The following ERAP1 variants were observed in gnomAD, a reference collection of about 807,000 sequenced individuals.
ERAP1 encodes the protein endoplasmic reticulum aminopeptidase 1.
ERAP1 carries 86 observed loss-of-function variants against 103.7 expected under a neutral mutation model. The ratio of observed to expected loss-of-function variants is 0.83; its 90% CI spans 0.70 to 0.99. The LOEUF is 0.99. Among genes scored for constraint, ERAP1 ranks in the 50% least tolerant of loss-of-function variants. The pLI is 0.00. For missense variants in ERAP1, 1,009 were observed against 1,128.4 expected (o/e 0.89, Z 1.52); for synonymous variants, 398 against 402.4 (o/e 0.99, Z 0.13).
chr5:96,790,350 A>G lies in ERAP1; in HGVS notation c.1470T>C (p.Gly490=), dbSNP rs1776588990. 3 of 1,614,118 alleles carry G rather than the reference A, an allele frequency of 1.9e-6. No individual in the cohort carries two copies. Among genetic ancestry groups the G allele is most frequent in the Non-Finnish European group, 2.5e-6 (3 of 1,179,998 alleles). Residue 490 remains glycine (G), a synonymous_variant, in exon 10 of 19, where the codon GGT becomes GGC. Transcript: ENST00000443439. ...AGCAAAAGCCATCCATCCCTTTTACACCATCTGTAGGGCAAATCTAAAAAC... is the reference window on the plus strand; with the variant it reads ...AGCAAAAGCCATCCATCCCTTTTACGCCATCTGTAGGGCAAATCTAAAAAC... ...DSMASICPTD[G]VKGMDGFCSR...
chr5:96,868,466 G>A, the ERAP1 span, among the ~76,000 whole-genome samples: 1 of 152,148 alleles, frequency 6.6e-6, no homozygotes, highest in Admixed American at 6.6e-5. Flanking sequence ...TCTCACAACA[G>A]CCCTATGAAG....
chr5:96,891,027 T>A, the ERAP1 span, among the ~76,000 whole-genome samples: 11 of 152,082 alleles, frequency 7.2e-5, no homozygotes, highest in African/African-American at 2.4e-4. Context: ...ATCAATGCGA[T>A]TTAGAAGAAA....
chr5:96,891,653 C>T, the ERAP1 span, among the ~76,000 whole-genome samples: 2 of 151,558 alleles, frequency 1.3e-5, no homozygotes, highest in Non-Finnish European at 2.9e-5. Context: ...GCACTTTTTC[C>T]CCCCACAACA....
chr5:96,860,858 C>T, the ERAP1 span, among the ~76,000 whole-genome samples: 1 of 152,202 alleles, frequency 6.6e-6, no homozygotes, highest in South Asian at 2.1e-4. Context: ...AGCCAAATTG[C>T]AGACAAGTGA....
rs1778205984 is a variant in ERAP1 at position 96,803,434 on chromosome 5, T to C, written c.493A>G (p.Ser165Gly). The change falls in exon 2 of 19, where the codon AGC (serine) becomes GGC (glycine). Residue 165 changes from serine (S) to glycine (G), a missense_variant. Coordinates refer to ENST00000443439, the MANE Select transcript of ERAP1 (RefSeq NM_001040458.3). ...TCCCCTTCCTTGGTTCTGTAGGTGC[T>C]TTTGTAAAATCCGTGGAAAGTCTCC... ...LSETFHGFYK[S>G]TYRTKEGELR... 6.2e-7 allele frequency: 1 copy of C among 1,613,030 alleles called. No homozygotes were observed. The highest frequency in any genetic ancestry group is 8.5e-7 in the Non-Finnish European group (1 of 1,179,760).
the ERAP1 span, among the ~76,000 whole-genome samples, chr5:96,863,145 C>T: frequency 6.6e-6 from 1 of 152,050 alleles, no homozygotes; most frequent in Admixed American, 6.6e-5. Flanking sequence ...CCTAAGTTTG[C>T]CCCCTGCCCC....
chr5:96,782,597 G>A (rs1483795883), intron 15 of ERAP1, among the ~76,000 whole-genome samples: 4 of 152,124 alleles, frequency 2.6e-5, no homozygotes, highest in Admixed American at 6.5e-5. Context: ...TGGGGTTTAA[G>A]CTCCAAATGT....
the ERAP1 span, among the ~76,000 whole-genome samples, chr5:96,892,801 T>C: frequency 2.0e-5 from 3 of 152,180 alleles, no homozygotes; most frequent in Non-Finnish European, 4.4e-5. Flanking sequence ...TATTTCTCCT[T>C]ATATCCCCTG....
chr5:96,922,429 A>G, the ERAP1 span, among the ~76,000 whole-genome samples: 1 of 152,230 alleles, frequency 6.6e-6, no homozygotes, highest in Non-Finnish European at 1.5e-5. Flanking sequence ...TCAAAAATGG[A>G]AAAAGGCCAG....
At chr5:96,905,147 T>C in the ERAP1 span, among the ~76,000 whole-genome samples, 3 of 152,220 alleles carry the variant, frequency 2.0e-5, no homozygotes, top group African/African-American at 7.2e-5. Flanking sequence ...TATTATCTAA[T>C]ACAAATTATT....
At chr5:96,788,201 G>A (rs1432897234) in intron 11 of ERAP1, among the ~76,000 whole-genome samples, 1 of 152,046 alleles carries the variant, frequency 6.6e-6, no homozygotes, top group Non-Finnish European at 1.5e-5. Flanking sequence ...CCAACCAAAT[G>A]CTAGGCACTA....
At chr5:96,866,185 T>C in the ERAP1 span, among the ~76,000 whole-genome samples, 1 of 152,352 alleles carries the variant, frequency 6.6e-6, no homozygotes, top group African/African-American at 2.4e-5. Flanking sequence ...TCTCTCATTA[T>C]GCCAAGCCTG....
downstream of ERAP1, among the ~76,000 whole-genome samples, chr5:96,771,366 A>T (rs140530827): frequency 2.0e-5 from 3 of 152,282 alleles, no homozygotes; most frequent in Non-Finnish European, 2.9e-5. Flanking sequence ...ATTGCCATTT[A>T]AGAACACCTA....
At chr5:96,763,389 C>T (rs1169002990) in intron 19 of ERAP1, among the ~76,000 whole-genome samples, 1 of 152,212 alleles carries the variant, frequency 6.6e-6, no homozygotes, top group Non-Finnish European at 1.5e-5. Context: ...TATGTAAACA[C>T]ACCCACAATG....
chr5:96,862,152 A>T, the ERAP1 span, among the ~76,000 whole-genome samples: 1 of 151,838 alleles, frequency 6.6e-6, no homozygotes, highest in African/African-American at 2.4e-5. Context: ...AGCTAGTTTT[A>T]TTTTTTTCTT....
the ERAP1 span, among the ~76,000 whole-genome samples, chr5:96,855,470 G>GA: frequency 9.2e-5 from 14 of 151,890 alleles, no homozygotes; most frequent in Admixed American, 3.9e-4. Flanking sequence ...TTGGAGAAAA[G>GA]AAAAAAAACC....
chr5:96,882,941 T>C, the ERAP1 span, among the ~76,000 whole-genome samples: 1 of 152,180 alleles, frequency 6.6e-6, no homozygotes, highest in Admixed American at 6.5e-5. Context: ...CACTTCTTAA[T>C]TGAAGCTTAA....
chr5:96,897,735 A>C, the ERAP1 span, among the ~76,000 whole-genome samples: 2 of 152,210 alleles, frequency 1.3e-5, no homozygotes. Flanking sequence ...TTCCAACTGC[A>C]AAGAAAATAA....
chr5:96,777,250 A>G (rs27038), intron 18 of ERAP1, among the ~76,000 whole-genome samples: 124,318 of 152,196 alleles, frequency 0.82, 51,103 homozygotes, highest in Admixed American at 0.88. Context: ...CTTTGCCACA[A>G]GATTGACCAT....
Sources: gnomAD v4.1 joint callset for allele counts (sites outside exome capture counted in the v4.1 genomes callset) on GRCh38, gnomAD v4.1.1 for gene constraint, MANE v1.5 for transcripts, NCBI Gene and HGNC (gene_info 2026-07-23, HGNC 2026-07-21) for gene names.